Variants in DCPH1 observed in about 807,000 individuals in gnomAD.
DCPH1 encodes the protein damage-control phosphatase 1.
chr6:151,457,465 T>C, the DCPH1 span, among the ~76,000 whole-genome samples: 1 of 152,192 alleles, frequency 6.6e-6, no homozygotes, highest in Non-Finnish European at 1.5e-5. Context: ...TTTAAGACTT[T>C]AGGGAAGAGA....
At chr6:151,459,621 G>A in the DCPH1 span, among the ~76,000 whole-genome samples, 21 of 151,854 alleles carry the variant, frequency 1.4e-4, no homozygotes, top group Non-Finnish European at 1.5e-5. Context: ...GCGAAACCCC[G>A]TCTCTACAAA....
chr6:151,460,397 C>G, the DCPH1 span, among the ~76,000 whole-genome samples: 1 of 151,924 alleles, frequency 6.6e-6, no homozygotes, highest in Non-Finnish European at 1.5e-5. Flanking sequence ...GCCACCACGC[C>G]CAGCCTATAT....
chr6:151,456,315 G>GTT, the DCPH1 span, among the ~76,000 whole-genome samples: 4 of 152,130 alleles, frequency 2.6e-5, no homozygotes, highest in East Asian at 7.7e-4. Flanking sequence ...TAGAGAAATG[G>GTT]TTGGTGATCT....
At chr6:151,463,670 G>A in the DCPH1 span, among the ~76,000 whole-genome samples, 1 of 152,064 alleles carries the variant, frequency 6.6e-6, no homozygotes, top group Non-Finnish European at 1.5e-5. Context: ...AAATCAAGCC[G>A]ATTACATCAG....
the DCPH1 span, among the ~76,000 whole-genome samples, chr6:151,453,706 G>A: frequency 7.9e-5 from 12 of 152,266 alleles, no homozygotes; most frequent in African/African-American, 2.9e-4. Flanking sequence ...TAAGCTCTGT[G>A]CTCTATATTT....
At chr6:151,465,460 A>G in the DCPH1 span, among the ~76,000 whole-genome samples, 1 of 152,192 alleles carries the variant, frequency 6.6e-6, no homozygotes, top group African/African-American at 2.4e-5. Flanking sequence ...ACCTGAAGGC[A>G]GGGAAGGAGT....
At chr6:151,464,749 T>C in the DCPH1 span, 8 of 588,944 alleles carry the variant, frequency 1.4e-5, no homozygotes, top group Non-Finnish European at 2.2e-5. Context: ...TGTTAAAAGA[T>C]GAAAATCCAT....
the DCPH1 span, among the ~76,000 whole-genome samples, chr6:151,455,302 A>G: frequency 6.6e-6 from 1 of 152,376 alleles, no homozygotes; most frequent in South Asian, 2.1e-4. Flanking sequence ...GACAAAGTAT[A>G]GAGAAAGAAA....
the DCPH1 span, among the ~76,000 whole-genome samples, chr6:151,458,019 A>T: frequency 2.5e-4 from 38 of 152,290 alleles, no homozygotes; most frequent in South Asian, 4.1e-3. Context: ...ATGGTGAAAG[A>T]AGAATATGTA....
chr6:151,457,111 C>T, the DCPH1 span, among the ~76,000 whole-genome samples: 1 of 152,184 alleles, frequency 6.6e-6, no homozygotes, highest in Non-Finnish European at 1.5e-5. Context: ...CCTAAGCCCC[C>T]ACCTATAGCA....
At chr6:151,468,367 G>A in the DCPH1 span, 1 of 1,559,842 alleles carries the variant, frequency 6.4e-7, no homozygotes, top group South Asian at 1.2e-5. Context: ...AAATAAGTGT[G>A]ATCTGTCTCT....
the DCPH1 span, chr6:151,469,031 G>C: frequency 5.6e-6 from 9 of 1,614,158 alleles, no homozygotes; most frequent in Non-Finnish European, 7.6e-6. Flanking sequence ...CCTGGGCAAG[G>C]GGAACAGCTC....
chr6:151,457,833 C>A, the DCPH1 span, among the ~76,000 whole-genome samples: 2 of 151,752 alleles, frequency 1.3e-5, no homozygotes, highest in African/African-American at 4.8e-5. Context: ...ATTCTGATCC[C>A]ATTACATTTG....
chr6:151,463,324 T>TTG, the DCPH1 span, among the ~76,000 whole-genome samples: 4 of 152,226 alleles, frequency 2.6e-5, no homozygotes, highest in Non-Finnish European at 5.9e-5. Flanking sequence ...AAATTAGTCT[T>TTG]CCTGTATTTT....
At chr6:151,468,299 C>T in the DCPH1 span, 2 of 1,373,774 alleles carry the variant, frequency 1.5e-6, no homozygotes. Flanking sequence ...GTTTTGTTGG[C>T]TATTCAGAAG....
chr6:151,459,803 A>G, the DCPH1 span, among the ~76,000 whole-genome samples: 1 of 152,134 alleles, frequency 6.6e-6, no homozygotes, highest in Non-Finnish European at 1.5e-5. Flanking sequence ...ACCAAAAAAC[A>G]AAAAACTGTT....
At chr6:151,457,051 C>T in the DCPH1 span, among the ~76,000 whole-genome samples, 1 of 152,154 alleles carries the variant, frequency 6.6e-6, no homozygotes, top group African/African-American at 2.4e-5. Flanking sequence ...CTTTTTCATG[C>T]CTCTGTTATA....
the DCPH1 span, among the ~76,000 whole-genome samples, chr6:151,466,385 A>G: frequency 3.9e-5 from 6 of 151,922 alleles, no homozygotes; most frequent in African/African-American, 1.5e-4. Context: ...TTTGTCCCAT[A>G]GTATAATAAA....
the DCPH1 span, among the ~76,000 whole-genome samples, chr6:151,465,900 TC>T: frequency 6.6e-6 from 1 of 152,198 alleles, no homozygotes; most frequent in Non-Finnish European, 1.5e-5. Context: ...TATTTTGAGT[TC>T]AAAACAAAAA....
Sources: gnomAD v4.1 joint callset for allele counts (sites outside exome capture counted in the v4.1 genomes callset) on GRCh38, gnomAD v4.1.1 for gene constraint, MANE v1.5 for transcripts, NCBI Gene and HGNC (gene_info 2026-07-23, HGNC 2026-07-21) for gene names.